Variants in EPHA7 observed in about 807,000 individuals in gnomAD.
EPHA7 encodes the protein EPH receptor A7.
EPHA7 carries 25 observed loss-of-function variants against 112.6 expected under a neutral mutation model. The observed-to-expected ratio is 0.22, with a 90% CI of 0.16 to 0.31. EPHA7 has a LOEUF of 0.31. EPHA7 is among the 10% of genes least tolerant of loss of function. The pLI is 1.00. For synonymous variants in EPHA7, 437 were observed against 406.5 expected, an observed-to-expected ratio of 1.07 and a Z score of -0.90; for missense variants, 962 against 1,212.6, an observed-to-expected ratio of 0.79 and a Z score of 3.07.
intron 3 of EPHA7, among the ~76,000 whole-genome samples, chr6:93,395,819 A>T (rs955721672): frequency 1.2e-4 from 18 of 151,934 alleles, no homozygotes; most frequent in Middle Eastern, 3.4e-3. Context: ...AAGATGGATG[A>T]TCCTCCTTGC....
chr6:93,397,059 T>A (rs949098985), intron 3 of EPHA7, among the ~76,000 whole-genome samples: 2 of 151,722 alleles, frequency 1.3e-5, no homozygotes, highest in Admixed American at 1.3e-4. Flanking sequence ...AAAATAACTA[T>A]CAATGAAAAT....
chr6:93,413,398 A>G (rs75603179), intron 2 of EPHA7, among the ~76,000 whole-genome samples: 2,916 of 152,044 alleles, frequency 0.019, 100 homozygotes, highest in African/African-American at 0.067. Context: ...CTACAATCAT[A>G]TATCAGTTTA....
chr6:93,348,384 T>G (rs1051126292), intron 5 of EPHA7, among the ~76,000 whole-genome samples: 2 of 151,852 alleles, frequency 1.3e-5, no homozygotes, highest in Non-Finnish European at 2.9e-5. Context: ...TGATATTATG[T>G]TCCTAGGTAC....
At chr6:93,283,354 T>TG (rs1273620005) in intron 5 of EPHA7, among the ~76,000 whole-genome samples, 1 of 152,066 alleles carries the variant, frequency 6.6e-6, no homozygotes, top group African/African-American at 2.4e-5. Context: ...AGGATGTGGG[T>TG]GGGGCCAGAT....
At chr6:93,271,394 C>A (rs1476053934) in intron 6 of EPHA7, among the ~76,000 whole-genome samples, 1 of 151,810 alleles carries the variant, frequency 6.6e-6, no homozygotes, top group African/African-American at 2.4e-5. Flanking sequence ...TTTTCTAATT[C>A]TATTGTCTAA....
chr6:93,417,303 G>A (rs1415037320), intron 1 of EPHA7, among the ~76,000 whole-genome samples: 1 of 152,146 alleles, frequency 6.6e-6, no homozygotes, highest in East Asian at 1.9e-4. Flanking sequence ...GGTACTGCGG[G>A]CCGCCTCGGG....
chr6:93,241,142 A>G lies in EPHA7; in HGVS notation c.*2284T>C. ...ATCTAGTGCTAGAAAAAAGCAGGAAAGACACCGTTTGCATGTACCATACTA... is the reference window on the plus strand; with the variant it reads ...ATCTAGTGCTAGAAAAAAGCAGGAAGGACACCGTTTGCATGTACCATACTA... On this transcript the variant is annotated 3_prime_UTR_variant, in exon 17 of 17. Transcript: ENST00000369303. The G allele has an allele frequency of 4.8e-6, 1 of 206,990 alleles. No homozygotes were observed. Among genetic ancestry groups the G allele is most frequent in the East Asian group, 7.4e-5 (1 of 13,510 alleles). 12.8% of individuals were successfully genotyped at this position (206,990 alleles called of 1,614,324 possible). A position where few individuals can be genotyped will look rare whatever the true frequency, so the allele number is the denominator to read the frequency against.
chr6:93,357,655 CTT>C (rs11388617), intron 4 of EPHA7, among the ~76,000 whole-genome samples: 11 of 144,592 alleles, frequency 7.6e-5, no homozygotes, highest in Non-Finnish European at 9.1e-5. Context: ...ACCCTAATAA[CTT>C]TTTTTTTTTT....
intron 9 of EPHA7, chr6:93,260,870 G>C: frequency 7.7e-6 from 3 of 392,124 alleles, no homozygotes; most frequent in Non-Finnish European, 6.9e-6. Flanking sequence ...AAAAGGGGAA[G>C]AGAAAAAGAG....
intron 6 of EPHA7, among the ~76,000 whole-genome samples, chr6:93,270,125 C>A (rs1771140666): frequency 6.6e-6 from 1 of 151,580 alleles, no homozygotes; most frequent in South Asian, 2.1e-4. Context: ...AACACTACTA[C>A]TATACTGACA....
rs1475481808 is a variant in EPHA7, at chr6:93,280,374, TAAC to T, written c.1325-7955_1325-7953del. 2.6e-5 allele frequency among the ~76,000 whole-genome samples: 4 copies of T among 152,182 alleles called. No individual in the cohort carries two copies. In the East Asian group the frequency reaches 7.7e-4, roughly 29 times the overall value. On this transcript the variant is annotated intron_variant, in intron 5 of 16. Transcript: ENST00000369303. ...TGATAACTTTATATCAATTAGATAATAACAAACTCAGTTTCAAGATTGGGCACA... is the reference window on the plus strand; with the variant it reads ...TGATAACTTTATATCAATTAGATAATAAACTCAGTTTCAAGATTGGGCACA...
intron 5 of EPHA7, among the ~76,000 whole-genome samples, chr6:93,287,325 T>G (rs556325801): frequency 9.3e-4 from 141 of 152,266 alleles, no homozygotes; most frequent in African/African-American, 3.3e-3. Flanking sequence ...TCCTTTCATG[T>G]TTCAACCTTC....
chr6:93,350,378 T>C (rs935676654), intron 5 of EPHA7, among the ~76,000 whole-genome samples: 1 of 152,020 alleles, frequency 6.6e-6, no homozygotes, highest in Admixed American at 6.6e-5. Context: ...ACAATAATTT[T>C]GAGGTAAGAA....
In EPHA7 at chr6:93,350,413, G is replaced by A. The variant is rs1435207004; in HGVS notation, c.1324+6304C>T. On this transcript the variant is annotated intron_variant, in intron 5 of 16. Transcript: ENST00000369303. ...AGTGTATTTGATTGCAATCATTTGG[G>A]TCATCACTATATAATTTACCGTGTG... 2.0e-5 allele frequency among the ~76,000 whole-genome samples: 3 copies of A among 151,874 alleles called. No individual in the cohort carries two copies. In the South Asian group the frequency reaches 6.2e-4, roughly 32 times the overall value.
intron 3 of EPHA7, among the ~76,000 whole-genome samples, chr6:93,366,447 T>C (rs1776514573): frequency 6.6e-6 from 1 of 152,220 alleles, no homozygotes; most frequent in Admixed American, 6.5e-5. Context: ...TAATGAAATG[T>C]CTAGCTGCTA....
chr6:93,258,320 C>G, intron 10 of EPHA7, 36 bp from the exon 11 acceptor site: 1 of 1,499,334 alleles, frequency 6.7e-7, no homozygotes, highest in Non-Finnish European at 8.9e-7. Context: ...ATTTTAGTTT[C>G]TAAATATTGT....
intron 3 of EPHA7, among the ~76,000 whole-genome samples, chr6:93,391,717 G>A (rs1582655172): frequency 6.6e-6 from 1 of 151,914 alleles, no homozygotes; most frequent in Middle Eastern, 3.4e-3. Flanking sequence ...GTGGAAGGAT[G>A]AGAGGGAGAA....
intron 16 of EPHA7, among the ~76,000 whole-genome samples, chr6:93,244,504 G>C (rs989303194): frequency 1.7e-4 from 26 of 152,084 alleles, no homozygotes; most frequent in Non-Finnish European, 3.1e-4. Flanking sequence ...CATTGACTGA[G>C]AGGAACTATG....
At position 93,287,479 on chromosome 6, in the gene EPHA7, C is replaced by T. The variant is rs1307614576; in HGVS notation, c.1325-15057G>A. On this transcript the variant is annotated intron_variant, in intron 5 of 16. Coordinates refer to ENST00000369303, the MANE Select transcript of EPHA7 (RefSeq NM_004440.4). ...AATCTCTCTGTCCTTTTCTCCTTGG[C>T]TTTTGTGGCACATTCTCTTCTAGTT... 5.3e-5 allele frequency among the ~76,000 whole-genome samples: 8 copies of T among 149,848 alleles called. No individual in the cohort carries two copies. In the South Asian group the frequency reaches 1.5e-3, roughly 28 times the overall value.
Sources: allele counts gnomAD v4.1 joint callset (sites outside exome capture counted in the v4.1 genomes callset), GRCh38; gene constraint gnomAD v4.1.1; transcripts MANE v1.5; gene names NCBI Gene and HGNC (gene_info 2026-07-23, HGNC 2026-07-21).